Variants in DNAH12 observed in about 807,000 individuals in gnomAD.
DNAH12 encodes the protein dynein axonemal heavy chain 12, also known as axonemal beta dynein heavy chain 12.
In DNAH12, 285 loss-of-function variants were observed where a neutral mutation model predicts 371.5. The ratio of observed to expected loss-of-function variants is 0.77; its 90% CI spans 0.70 to 0.85. The LOEUF is 0.85. DNAH12 is among the 40% of genes least tolerant of loss of function. The probability of loss-of-function intolerance (pLI) is 0.00; values close to 1 mark genes in which losing one functional copy is unlikely to be tolerated. For missense variants in DNAH12, 3,611 were observed against 3,689.4 expected, an observed-to-expected ratio of 0.98 and a Z score of 0.55; for synonymous variants, 1,200 against 1,213.0, an observed-to-expected ratio of 0.99 and a Z score of 0.22.
At chr3:57,519,535 C>G (rs2068330978) in intron 4 of DNAH12, 9 of 601,630 alleles carry the variant, frequency 1.5e-5, no homozygotes, top group Non-Finnish European at 2.8e-5. Flanking sequence ...TTTGATGTGT[C>G]CCAAAGGACC....
In DNAH12 at chr3:57,519,800, CTT is replaced by C. The variant is rs2068341801; in HGVS notation, c.279+3781_279+3782del. The C allele has an allele frequency of 3.4e-6, 5 of 1,480,334 alleles. No homozygotes were observed. The Admixed American group carries it at 6.7e-5, about 20-fold the overall frequency. 91.7% of individuals were successfully genotyped at this position (1,480,334 alleles called of 1,614,324 possible). On this transcript the variant is annotated intron_variant, in intron 4 of 73. Coordinates refer to ENST00000495027, the MANE Select transcript of DNAH12 (RefSeq NM_001366028.2). ...TCTCCCAAGACCACAACACAGTCCT[CTT>C]GTTTGTTTTCAGCTTGACATCTGAG...
the DNAH12 span, among the ~76,000 whole-genome samples, chr3:57,552,531 G>A: frequency 1.3e-5 from 2 of 149,606 alleles, no homozygotes; most frequent in East Asian, 3.9e-4. Flanking sequence ...CTTATGGAAA[G>A]CAAAACTAGC....
intron 60 of DNAH12, among the ~76,000 whole-genome samples, chr3:57,336,411 A>C (rs1384446581): frequency 6.6e-6 from 1 of 152,214 alleles, no homozygotes; most frequent in East Asian, 1.9e-4. Context: ...GAAATAGGCA[A>C]TATTAAATAG....
At chr3:57,433,345 T>C in intron 32 of DNAH12, 22 bp downstream of exon 32, 1 of 1,542,632 alleles carries the variant, frequency 6.5e-7, no homozygotes, top group Non-Finnish European at 8.7e-7. Context: ...CTGAATCTGC[T>C]TCTCTTTTGA....
intron 13 of DNAH12, among the ~76,000 whole-genome samples, chr3:57,482,992 A>T (rs957242897): frequency 6.6e-6 from 1 of 151,966 alleles, no homozygotes; most frequent in Non-Finnish European, 1.5e-5. Flanking sequence ...TAATGGGTGC[A>T]GCACACCAAC....
chr3:57,521,560 T>C (rs1244727026), intron 4 of DNAH12, among the ~76,000 whole-genome samples: 1 of 152,166 alleles, frequency 6.6e-6, no homozygotes, highest in Non-Finnish European at 1.5e-5. Context: ...TTCTAGGTCA[T>C]CTATTCTGTT....
In DNAH12 at chr3:57,519,626, C is replaced by T; in HGVS notation, c.279+3957G>A. The T allele has an allele frequency of 2.6e-6, 3 of 1,158,758 alleles. No homozygotes were observed. In the South Asian group the frequency reaches 3.7e-5, roughly 14 times the overall value. 71.8% of individuals were successfully genotyped at this position (1,158,758 alleles called of 1,614,324 possible). ...GAAGGGCACTTGATAACAAGATCCA[C>T]CAAGGCTCTGAACAACTGCACTAAG... On this transcript the variant is annotated intron_variant, in intron 4 of 73. Coordinates refer to ENST00000495027, the MANE Select transcript of DNAH12 (RefSeq NM_001366028.2).
chr3:57,539,916 C>A (rs2069202386), intron 2 of DNAH12, among the ~76,000 whole-genome samples: 1 of 151,078 alleles, frequency 6.6e-6, no homozygotes, highest in Non-Finnish European at 1.5e-5. Flanking sequence ...GTGCCCGGCC[C>A]CACTGTCTTA....
chr3:57,423,504 C>T (rs1305486958), intron 35 of DNAH12, among the ~76,000 whole-genome samples: 1 of 152,034 alleles, frequency 6.6e-6, no homozygotes, highest in Non-Finnish European at 1.5e-5. Context: ...TAGCAGGAAA[C>T]CCTGGAATGT....
chr3:57,370,868 G>A (rs1277278019), intron 55 of DNAH12, among the ~76,000 whole-genome samples: 2 of 152,112 alleles, frequency 1.3e-5, no homozygotes, highest in Non-Finnish European at 2.9e-5. Flanking sequence ...TATGTTGGGG[G>A]AGGCTGGAAC....
intron 60 of DNAH12, among the ~76,000 whole-genome samples, chr3:57,345,479 G>A (rs77236966): frequency 0.023 from 3,573 of 152,146 alleles, 88 homozygotes; most frequent in South Asian, 0.042. Context: ...AAAAATACAC[G>A]AGAACCATGA....
At chr3:57,476,610 A>T (rs2153382029) in intron 13 of DNAH12, among the ~76,000 whole-genome samples, 1 of 152,260 alleles carries the variant, frequency 6.6e-6, no homozygotes, top group Non-Finnish European at 1.5e-5. Flanking sequence ...AACATCCAGA[A>T]GACAAGGGAT....
chr3:57,402,244 A>C, intron 43 of DNAH12: 1 of 497,756 alleles, frequency 2.0e-6, no homozygotes, highest in Non-Finnish European at 3.2e-6. Context: ...CTCTATGCTA[A>C]ATTTTAGGTT....
chr3:57,477,856 T>TGA (rs2066591638), intron 13 of DNAH12, among the ~76,000 whole-genome samples: 1 of 152,160 alleles, frequency 6.6e-6, no homozygotes, highest in South Asian at 2.1e-4. Context: ...GACCTGCAGC[T>TGA]GAGGGTCCTG....
In DNAH12 at chr3:57,323,541, T is replaced by C. The variant is rs959660831; in HGVS notation, c.10057A>G (p.Lys3353Glu). 1.5e-5 allele frequency: 23 copies of C among 1,551,008 alleles called. No individual in the cohort carries two copies. The highest frequency in any genetic ancestry group is 2.7e-5 in the African/African-American group (2 of 73,018). Residue 3353 changes from lysine to glutamate, a missense_variant, in exon 63 of 74, where the codon AAG becomes GAG. Physicochemically the swap from Lys to Glu is moderately conservative, Grantham distance 56. Transcript: ENST00000495027. ...FVEPPPFDLT[K>E]SYLDSNCTIP... is the part of the protein sequence containing the mutation. ...GTGCAATTTGAATCCAAGTAACTCT[T>C]TGTCAAATCAAATGGTGGAGGCTCT...
At chr3:57,542,488 C>T (rs11710515) in intron 2 of DNAH12, among the ~76,000 whole-genome samples, 127,507 of 152,120 alleles carry the variant, frequency 0.84, 54,085 homozygotes, top group African/African-American at 0.95. Flanking sequence ...AGGATTGTTG[C>T]AAGAAGTATA....
chr3:57,555,630 G>A, the DNAH12 span, among the ~76,000 whole-genome samples: 1 of 152,152 alleles, frequency 6.6e-6, no homozygotes, highest in Non-Finnish European at 1.5e-5. Flanking sequence ...GTAATATCTC[G>A]GGACTCTGCA....
chr3:57,496,694 C>T (rs377098421), intron 11 of DNAH12, among the ~76,000 whole-genome samples: 30 of 152,274 alleles, frequency 2.0e-4, no homozygotes, highest in South Asian at 4.1e-4. Flanking sequence ...TATGGCCAGG[C>T]GCAGTGGCTC....
chr3:57,334,939 C>A lies in DNAH12; in HGVS notation c.9676G>T (p.Ala3226Ser). The A allele has an allele frequency of 6.5e-7, 1 of 1,538,628 alleles. No individual in the cohort carries two copies. Among genetic ancestry groups the A allele is most frequent in the Non-Finnish European group, 8.7e-7 (1 of 1,143,788 alleles). ...TCCTGGTATTCAATCTCTTTCCTTG[C>A]CCTGTATTCCCAAAATAAGGACTGT... ...SFLLCANLLL[A>S]RKEIEYQELM... The change falls in exon 61 of 74, where the codon GCA (alanine) becomes TCA (serine). Residue 3226 changes from alanine (A) to serine (S), a missense_variant and splice_region_variant. By Grantham distance (99) the Ala-to-Ser change is moderately conservative. Transcript: ENST00000495027.
Sources: gnomAD v4.1 joint callset for allele counts (sites outside exome capture counted in the v4.1 genomes callset) on GRCh38, gnomAD v4.1.1 for gene constraint, MANE v1.5 for transcripts, NCBI Gene and HGNC (gene_info 2026-07-23, HGNC 2026-07-21) for gene names.